MAOB: variants seen among roughly 807,000 people sequenced by gnomAD.
MAOB encodes monoamine oxidase B, also known as amine oxidase [flavin-containing] B.
In MAOB, 15 loss-of-function variants were observed where a neutral mutation model predicts 41.9. The ratio of observed to expected loss-of-function variants is 0.36; its 90% CI spans 0.24 to 0.55. MAOB has a LOEUF of 0.55. MAOB is among the 20% of genes least tolerant of loss of function. The pLI is 0.86. For synonymous variants in MAOB, 167 were observed against 144.2 expected (o/e 1.16, Z -1.13); for missense variants, 345 against 398.7 (o/e 0.87, Z 1.15).
Position 43,793,383 on chromosome X carries a change from T to G in MAOB, c.928+36A>C, listed in dbSNP as rs1015364756. ...GCCTTAGCAACAAGTTTCTTGGACC[T>G]TCTTCTAAAGGTTTTTATATAAGGA... On this transcript the variant is annotated intron_variant, in intron 8 of 14. Coordinates refer to ENST00000378069, the MANE Select transcript of MAOB (RefSeq NM_000898.5). 2.7e-5 allele frequency: 29 copies of G among 1,088,498 alleles called. No homozygotes were observed. In the Middle Eastern group the frequency reaches 1.8e-3, roughly 66 times the overall value. The allele number at this position is 1,088,498 out of a possible 1,213,427, so 89.7% of individuals were successfully genotyped here. A position where few individuals can be genotyped will look rare whatever the true frequency, so the allele number is the denominator to read the frequency against.
intron 3 of MAOB, among the ~76,000 whole-genome samples, chrX:43,807,503 A>AT (rs2034681931): frequency 8.9e-6 from 1 of 112,087 alleles, no homozygotes; most frequent in Non-Finnish European, 1.9e-5. Flanking sequence ...ATTCTATCTC[A>AT]TTCACTGGGC....
chrX:43,869,321 T>C (rs1195649700), intron 1 of MAOB, among the ~76,000 whole-genome samples: 2 of 111,902 alleles, frequency 1.8e-5, no homozygotes, highest in African/African-American at 6.5e-5. Context: ...TCTATGCTTT[T>C]CTAATCATCT....
At chrX:43,840,807 T>G (rs983029052) in intron 2 of MAOB, among the ~76,000 whole-genome samples, 2 of 110,828 alleles carry the variant, frequency 1.8e-5, no homozygotes, top group Non-Finnish European at 3.8e-5. Flanking sequence ...GACCAGGAGA[T>G]TCCCTCGGTC....
At chrX:43,785,753 A>G (rs955246268) in intron 8 of MAOB, among the ~76,000 whole-genome samples, 1 of 111,772 alleles carries the variant, frequency 8.9e-6, no homozygotes, top group Non-Finnish European at 1.9e-5. Context: ...GAACAGAGAT[A>G]CCCAAGAAGA....
At chrX:43,871,476 G>T (rs2035407255) in intron 1 of MAOB, among the ~76,000 whole-genome samples, 1 of 107,220 alleles carries the variant, frequency 9.3e-6, no homozygotes, top group Non-Finnish European at 1.9e-5. Flanking sequence ...AGGTGAAGCT[G>T]CTGTCCTCCT....
At chrX:43,879,546 A>G (rs2035460838) in intron 1 of MAOB, among the ~76,000 whole-genome samples, 1 of 111,613 alleles carries the variant, frequency 9.0e-6, no homozygotes, top group East Asian at 2.8e-4. Flanking sequence ...TTTCATTCCA[A>G]CTGCTAGATT....
chrX:43,780,469 CAT>C (rs1198636068), intron 9 of MAOB, 74 bp from the exon 10 acceptor site: 4 of 735,070 alleles, frequency 5.4e-6, no homozygotes, highest in Non-Finnish European at 6.3e-6. Context: ...CGTAGCTACA[CAT>C]GTGCCCAGTT....
intron 12 of MAOB, 81 bp downstream of exon 12, chrX:43,775,094 A>C: frequency 2.9e-6 from 2 of 700,996 alleles, no homozygotes; most frequent in Non-Finnish European, 1.8e-6. Context: ...GAAACAAGGG[A>C]GAAGAGCTAC....
intron 1 of MAOB, among the ~76,000 whole-genome samples, chrX:43,866,136 T>C (rs2035363865): frequency 9.1e-6 from 1 of 110,358 alleles, no homozygotes; most frequent in African/African-American, 3.3e-5. Context: ...TGGAGGGCCA[T>C]GGAAAGATCT....
At chrX:43,850,431 A>G (rs1393526984) in intron 1 of MAOB, 1 of 751,277 alleles carries the variant, frequency 1.3e-6, no homozygotes, top group Non-Finnish European at 1.6e-6. Context: ...TCTCTACTGA[A>G]CTACATATTA....
At chrX:43,845,681 T>C (rs1017385596) in intron 1 of MAOB, among the ~76,000 whole-genome samples, 5 of 112,457 alleles carry the variant, frequency 4.4e-5, no homozygotes, top group Non-Finnish European at 9.4e-5. Context: ...AAAGAGAAAT[T>C]ACACTTCAAA....
At chrX:43,769,183 T>A (rs1253920674) in intron 13 of MAOB, 124 bp downstream of exon 13, 1 of 984,821 alleles carries the variant, frequency 1.0e-6, no homozygotes, top group Non-Finnish European at 1.3e-6. Context: ...GTTAAAATAG[T>A]ATTTTATGGG....
chrX:43,875,632 C>T (rs1049806783), intron 1 of MAOB, among the ~76,000 whole-genome samples: 1 of 111,895 alleles, frequency 8.9e-6, no homozygotes, highest in Non-Finnish European at 1.9e-5. Flanking sequence ...TCTTCAGACA[C>T]ATATTACACC....
chrX:43,830,722 G>A (rs909541372), intron 3 of MAOB, among the ~76,000 whole-genome samples: 2 of 111,591 alleles, frequency 1.8e-5, no homozygotes, highest in Non-Finnish European at 3.8e-5. Context: ...ATTCTTACTT[G>A]CTACTAAGAA....
intron 3 of MAOB, among the ~76,000 whole-genome samples, chrX:43,822,997 C>G (rs1000568244): frequency 1.6e-4 from 18 of 109,391 alleles, no homozygotes; most frequent in African/African-American, 6.0e-4. Context: ...CCTCAACAAC[C>G]CTATAAGCAA....
At chrX:43,777,807 A>G (rs1276550247) in intron 11 of MAOB, among the ~76,000 whole-genome samples, 2 of 112,320 alleles carry the variant, frequency 1.8e-5, no homozygotes, top group Non-Finnish European at 3.8e-5. Flanking sequence ...TTGTCTTCAA[A>G]TGCTTCACAG....
chrX:43,836,677 ATCT>A (rs1344141230), intron 3 of MAOB, among the ~76,000 whole-genome samples: 4 of 112,408 alleles, frequency 3.6e-5, no homozygotes, highest in African/African-American at 9.7e-5. Flanking sequence ...TTTTAGAGTG[ATCT>A]TCTCAAGATA....
intron 12 of MAOB, among the ~76,000 whole-genome samples, chrX:43,770,698 A>G (rs147569725): frequency 1.1e-4 from 12 of 111,931 alleles, no homozygotes; most frequent in African/African-American, 3.9e-4. Context: ...ATATGCCAAG[A>G]GCCACACTCC....
At chrX:43,837,663 T>G (rs745559740) in intron 3 of MAOB, among the ~76,000 whole-genome samples, 1 of 112,714 alleles carries the variant, frequency 8.9e-6, no homozygotes, top group South Asian at 3.7e-4. Context: ...ACAAATAATA[T>G]GAGGATGTCA....
Sources: allele counts gnomAD v4.1 joint callset (sites outside exome capture counted in the v4.1 genomes callset), GRCh38; gene constraint gnomAD v4.1.1; transcripts MANE v1.5; gene names NCBI Gene and HGNC (gene_info 2026-07-23, HGNC 2026-07-21).